Variants in PDE4D observed in about 807,000 individuals in gnomAD.
PDE4D encodes 3',5'-cyclic-AMP phosphodiesterase 4D.
A neutral mutation model predicts 87.4 loss-of-function variants in PDE4D; 24 were observed. The ratio of observed to expected loss-of-function variants is 0.27; its 90% CI spans 0.20 to 0.39. The LOEUF is 0.39. Ranked by LOEUF, PDE4D falls within the 10% of genes least tolerant of loss-of-function variation. PDE4D has a pLI of 1.00. For missense variants in PDE4D, 714 were observed against 1,041.0 expected (o/e 0.69, Z 4.32); for synonymous variants, 384 against 383.2 (o/e 1.00, Z -0.02).
chr5:60,069,519 G>T (rs1265582704), intron 2 of PDE4D, among the ~76,000 whole-genome samples: 1 of 151,974 alleles, frequency 6.6e-6, no homozygotes. Context: ...TTTATTTCTG[G>T]ATTCTCTTAT....
chr5:60,426,530 G>C (rs1209867552), intron 1 of PDE4D, among the ~76,000 whole-genome samples: 2 of 152,092 alleles, frequency 1.3e-5, no homozygotes, highest in African/African-American at 2.4e-5. Context: ...GGGCCTGTTG[G>C]GGGGTGTGGG....
chr5:59,778,841 C>T (rs1258951588), intron 1 of PDE4D, among the ~76,000 whole-genome samples: 3 of 152,166 alleles, frequency 2.0e-5, no homozygotes, highest in Non-Finnish European at 4.4e-5. Context: ...TTATACTGAT[C>T]TATCTACTAA....
At chr5:60,456,594 A>T (rs1172494571) in intron 1 of PDE4D, among the ~76,000 whole-genome samples, 1 of 152,214 alleles carries the variant, frequency 6.6e-6, no homozygotes, top group Non-Finnish European at 1.5e-5. Context: ...CTTCAGCAAT[A>T]AACCCCTAAA....
At chr5:60,381,508 G>C (rs1198823362) in intron 1 of PDE4D, among the ~76,000 whole-genome samples, 1 of 152,126 alleles carries the variant, frequency 6.6e-6, no homozygotes, top group Non-Finnish European at 1.5e-5. Flanking sequence ...CAAGTCTGAG[G>C]GTGGCCTTGG....
At chr5:59,423,814 C>T (rs538321900) in intron 1 of PDE4D, among the ~76,000 whole-genome samples, 1 of 125,694 alleles carries the variant, frequency 8.0e-6, no homozygotes, top group African/African-American at 2.7e-5. Flanking sequence ...GGGAATGTAA[C>T]CTTTTTTTTT....
chr5:59,126,994 A>C (rs1469121202), intron 5 of PDE4D, among the ~76,000 whole-genome samples: 2 of 152,212 alleles, frequency 1.3e-5, no homozygotes, highest in Non-Finnish European at 2.9e-5. Context: ...ATTTACACTA[A>C]AGAATTCAAA....
At chr5:60,437,316 G>A (rs1434651974) in intron 1 of PDE4D, among the ~76,000 whole-genome samples, 1 of 152,078 alleles carries the variant, frequency 6.6e-6, no homozygotes, top group Non-Finnish European at 1.5e-5. Flanking sequence ...CTAAGTCTAA[G>A]TTTATTCATC....
intron 1 of PDE4D, among the ~76,000 whole-genome samples, chr5:59,409,990 T>C (rs547015899): frequency 7.9e-5 from 12 of 152,332 alleles, no homozygotes; most frequent in Middle Eastern, 3.4e-3. Context: ...AATATTTTAA[T>C]ACAGGCATAC....
intron 1 of PDE4D, among the ~76,000 whole-genome samples, chr5:59,830,274 C>G (rs559822548): frequency 6.6e-6 from 1 of 152,096 alleles, no homozygotes; most frequent in Non-Finnish European, 1.5e-5. Flanking sequence ...CTGCCTCGCT[C>G]TTTACCATTA....
At chr5:59,131,597 A>AACACAC (rs34161581) in intron 5 of PDE4D, among the ~76,000 whole-genome samples, 10,521 of 117,424 alleles carry the variant, frequency 0.09, 552 homozygotes, top group Non-Finnish European at 0.12. Flanking sequence ...GCCAATTTAA[A>AACACAC]ACACACACAC....
intron 1 of PDE4D, among the ~76,000 whole-genome samples, chr5:59,543,438 G>C (rs1816704351): frequency 6.6e-6 from 1 of 152,106 alleles, no homozygotes. Flanking sequence ...TCACCAATTA[G>C]TGAAATTCAT....
At chr5:59,784,205 G>A (rs1288693518) in intron 1 of PDE4D, among the ~76,000 whole-genome samples, 1 of 150,604 alleles carries the variant, frequency 6.6e-6, no homozygotes, top group African/African-American at 2.4e-5. Flanking sequence ...AGAGAACAAA[G>A]AGGTACATGT....
intron 1 of PDE4D, among the ~76,000 whole-genome samples, chr5:59,580,871 TA>T (rs1252384316): frequency 6.6e-6 from 1 of 152,198 alleles, no homozygotes; most frequent in African/African-American, 2.4e-5. Context: ...GTGCTTTTTT[TA>T]AATTATTTTT....
intron 1 of PDE4D, among the ~76,000 whole-genome samples, chr5:59,520,179 C>T (rs187864396): frequency 6.6e-6 from 1 of 152,274 alleles, no homozygotes; most frequent in African/African-American, 2.4e-5. Context: ...AGGAGAATTG[C>T]TTGAACCTGG....
At chr5:58,990,033 T>C (rs1747511639) in intron 9 of PDE4D, 114 bp from the exon 10 acceptor site, 1 of 646,240 alleles carries the variant, frequency 1.5e-6, no homozygotes, top group Non-Finnish European at 2.7e-6. Flanking sequence ...AACCTGGAAA[T>C]GGCAACTGCA....
At chr5:59,340,732 T>A (rs1778582098) in intron 1 of PDE4D, among the ~76,000 whole-genome samples, 1 of 152,198 alleles carries the variant, frequency 6.6e-6, no homozygotes, top group Admixed American at 6.5e-5. Flanking sequence ...TCTATCTCCA[T>A]GAGATCAATT....
At chr5:60,249,358 C>A (rs1748164825) in intron 1 of PDE4D, among the ~76,000 whole-genome samples, 1 of 152,016 alleles carries the variant, frequency 6.6e-6, no homozygotes, top group Non-Finnish European at 1.5e-5. Flanking sequence ...GTCACCATGG[C>A]ATGACAGAAA....
At chr5:60,205,891 A>G (rs1308268340) in intron 1 of PDE4D, among the ~76,000 whole-genome samples, 1 of 152,190 alleles carries the variant, frequency 6.6e-6, no homozygotes, top group Non-Finnish European at 1.5e-5. Flanking sequence ...TATCTCAAGG[A>G]ATAAAACAAA....
At chr5:60,484,188 T>TA (rs34177181) in intron 1 of PDE4D, among the ~76,000 whole-genome samples, 20,426 of 136,482 alleles carry the variant, frequency 0.15, 1,805 homozygotes, top group South Asian at 0.38. Context: ...AGACAGGAAT[T>TA]AAAAAAAAAA....
Sources: gnomAD v4.1 joint callset for allele counts (sites outside exome capture counted in the v4.1 genomes callset) on GRCh38, gnomAD v4.1.1 for gene constraint, MANE v1.5 for transcripts, NCBI Gene and HGNC (gene_info 2026-07-23, HGNC 2026-07-21) for gene names.